Variants in OLFM1 observed in about 807,000 individuals in gnomAD.
The protein encoded by OLFM1 is noelin.
OLFM1 carries 9 observed loss-of-function variants against 49.7 expected under a neutral mutation model. That is an observed-to-expected ratio of 0.18 (90% confidence interval 0.11 to 0.32). The LOEUF (loss-of-function observed/expected upper bound fraction) is 0.32. OLFM1 is among the 10% of genes least tolerant of loss of function. OLFM1 has a pLI of 1.00. For synonymous variants in OLFM1, 240 were observed against 271.8 expected (o/e 0.88, Z 1.15); for missense variants, 369 against 661.8 (o/e 0.56, Z 4.85).
At chr9:135,106,900 C>G in intron 5 of OLFM1, 45 bp downstream of exon 5, 1 of 1,453,112 alleles carries the variant, frequency 6.9e-7, no homozygotes, top group Admixed American at 1.9e-5. Flanking sequence ...GGCAAGGGCG[C>G]TCTCGGACAC....
chr9:135,115,908 A>G (rs1831090039), intron 5 of OLFM1, among the ~76,000 whole-genome samples: 1 of 152,228 alleles, frequency 6.6e-6, no homozygotes, highest in African/African-American at 2.4e-5. Flanking sequence ...GAGTAACGGC[A>G]CACAAGTGAC....
upstream of OLFM1, among the ~76,000 whole-genome samples, chr9:135,085,556 C>T (rs1830586161): frequency 1.3e-5 from 2 of 152,266 alleles, no homozygotes; most frequent in Admixed American, 1.3e-4. Flanking sequence ...AGCCCCAGTG[C>T]CACCAGGGGC....
At chr9:135,087,643 C>A, upstream of OLFM1, 1 of 571,474 alleles carries the variant, frequency 1.7e-6, no homozygotes, top group Non-Finnish European at 2.5e-6. Flanking sequence ...GGCCGCGGCC[C>A]CCGCGCGCAG....
intron 1 of OLFM1, chr9:135,076,733 T>C (rs1830471086): frequency 6.9e-7 from 1 of 1,451,620 alleles, no homozygotes; most frequent in Non-Finnish European, 9.0e-7. Context: ...CAGGAAGTGA[T>C]GGGCAGCCAG....
At chr9:135,095,424 G>C (rs1830775143) in intron 2 of OLFM1, among the ~76,000 whole-genome samples, 1 of 151,460 alleles carries the variant, frequency 6.6e-6, no homozygotes, top group African/African-American at 2.4e-5. Flanking sequence ...GGCAGCCTAA[G>C]AGTGCCATTC....
chr9:135,107,628 A>G (rs1332058506), intron 5 of OLFM1, among the ~76,000 whole-genome samples: 1 of 152,210 alleles, frequency 6.6e-6, no homozygotes, highest in Non-Finnish European at 1.5e-5. Context: ...GGAAGCTGTC[A>G]GGGCTTCGCT....
chr9:135,090,935 C>T (rs1443859048), intron 2 of OLFM1, among the ~76,000 whole-genome samples: 1 of 152,254 alleles, frequency 6.6e-6, no homozygotes, highest in Non-Finnish European at 1.5e-5. Flanking sequence ...CACATGGGAA[C>T]AGCAGGTTTG....
rs868573535 is a variant in OLFM1 at position 135,113,016 on chromosome 9, C to T, written c.783+6161C>T. Among the ~76,000 whole-genome samples the T allele has an allele frequency of 5.3e-5, 8 of 152,274 alleles. No individual in the cohort carries two copies. Among genetic ancestry groups the T allele is most frequent in the African/African-American group, 1.2e-4 (5 of 41,578 alleles). On this transcript the variant is annotated intron_variant, in intron 5 of 5. Transcript: ENST00000371793. This position sits in a 1 kb window ranked among gnomAD's most constrained non-coding sequence, Gnocchi z 4.0. ...GAACCTGGGTGGAAGCAAGCTGTGT[C>T]GGGGTCAGGGCAGGCTTTGGATGTG...
At chr9:135,076,026 G>A in intron 1 of OLFM1, 9 of 1,448,492 alleles carry the variant, frequency 6.2e-6, no homozygotes, top group Non-Finnish European at 8.2e-6. Flanking sequence ...CCCCGGCTCA[G>A]CAGAGCTGAC....
chr9:135,091,535 A>G (rs1440733228), intron 2 of OLFM1, among the ~76,000 whole-genome samples: 1 of 144,768 alleles, frequency 6.9e-6, no homozygotes, highest in East Asian at 2.0e-4. Context: ...TCACACAGTC[A>G]CACTCACATA....
At position 135,098,581 on chromosome 9, in the gene OLFM1, T is replaced by G. The variant is rs545291674; in HGVS notation, c.676+76T>G. 1 of 1,373,254 alleles carries G rather than the reference T, an allele frequency of 7.3e-7. No individual in the cohort carries two copies. Among genetic ancestry groups the G allele is most frequent in the East Asian group, 2.3e-5 (1 of 43,468 alleles). 85.1% of individuals were successfully genotyped at this position (1,373,254 alleles called of 1,614,324 possible). A position where few individuals can be genotyped will look rare whatever the true frequency, so the allele number is the denominator to read the frequency against. On this transcript the variant is annotated intron_variant, in intron 4 of 5. Coordinates refer to ENST00000371793, the MANE Select transcript of OLFM1 (RefSeq NM_001282611.2). The surrounding 1 kb of genome is among the most constrained non-coding windows in gnomAD (Gnocchi z 5.6). The stretch of plus-strand genomic sequence containing the variant: ...CACGCACAGGCTTAGGGAGTGGTGC[T>G]GAAGTGGACAGCGCCCGCCTGGCTT...
Position 135,088,151 on chromosome 9 carries a change from C to T in OLFM1, c.150+12C>T, listed in dbSNP as rs1397207918. 1.5e-6 allele frequency: 2 copies of T among 1,324,202 alleles called. No homozygotes were observed. The highest frequency in any genetic ancestry group is 3.2e-5 in the East Asian group (1 of 31,342). 82.0% of individuals were successfully genotyped at this position (1,324,202 alleles called of 1,614,324 possible). A position where few individuals can be genotyped will look rare whatever the true frequency, so the allele number is the denominator to read the frequency against. ...ACCGCAGCACCGGCGTAAGTGCGCC[C>T]GCCGGCCGCCTTGGCGCGGCTCCTC... is the stretch of plus-strand genomic sequence containing the variant. On this transcript the variant is annotated intron_variant, in intron 1 of 5. Coordinates refer to ENST00000371793, the MANE Select transcript of OLFM1 (RefSeq NM_001282611.2). The surrounding 1 kb of genome is among the most constrained non-coding windows in gnomAD (Gnocchi z 4.8).
chr9:135,091,606 T>TCACAC (rs1830694119), intron 2 of OLFM1, among the ~76,000 whole-genome samples: 1 of 58,434 alleles, frequency 1.7e-5, no homozygotes, highest in Admixed American at 1.9e-4. Flanking sequence ...CACTCACACA[T>TCACAC]AGTCACACAG....
intron 2 of OLFM1, among the ~76,000 whole-genome samples, chr9:135,092,949 TC>T (rs1270178739): frequency 6.6e-6 from 1 of 152,208 alleles, no homozygotes; most frequent in Admixed American, 6.5e-5. Context: ...TTCCTCTTTC[TC>T]TTTTCTTCTC....
intron 5 of OLFM1, among the ~76,000 whole-genome samples, chr9:135,115,107 G>A (rs1389978608): frequency 2.0e-5 from 3 of 152,178 alleles, no homozygotes; most frequent in South Asian, 4.1e-4. Flanking sequence ...GACCGCTAGG[G>A]CCACAAAAGG....
intron 2 of OLFM1, among the ~76,000 whole-genome samples, chr9:135,094,016 G>A (rs993385949): frequency 8.5e-5 from 13 of 152,286 alleles, no homozygotes; most frequent in Middle Eastern, 3.4e-3. Context: ...CTACAGCACC[G>A]TGTGTGGTCT....
At chr9:135,101,125 C>T (rs959543795) in intron 4 of OLFM1, among the ~76,000 whole-genome samples, 1 of 152,220 alleles carries the variant, frequency 6.6e-6, no homozygotes, top group Non-Finnish European at 1.5e-5. Flanking sequence ...AGCCTGTTCC[C>T]TTGCTGGGAG....
At chr9:135,086,474 C>T (rs986414068), upstream of OLFM1, 30 of 380,836 alleles carry the variant, frequency 7.9e-5, no homozygotes, top group African/African-American at 5.2e-4. Flanking sequence ...GCCAGGGAGG[C>T]GCGCTCCTTC....
chr9:135,097,796 G>GT (rs1422016151), intron 3 of OLFM1: 1 of 1,613,568 alleles, frequency 6.2e-7, no homozygotes, highest in African/African-American at 1.3e-5. Context: ...ACTTAAAAGA[G>GT]TTTTTTCAAT....
Sources: gnomAD v4.1 joint callset for allele counts (sites outside exome capture counted in the v4.1 genomes callset) on GRCh38, gnomAD v4.1.1 for gene constraint, Gnocchi (gnomAD v3.1) non-coding constraint, MANE v1.5 for transcripts, NCBI Gene and HGNC (gene_info 2026-07-23, HGNC 2026-07-21) for gene names.